GALNTL6: variants seen among roughly 807,000 people sequenced by gnomAD.
GALNTL6 encodes polypeptide N-acetylgalactosaminyltransferase like 6.
A neutral mutation model predicts 73.7 loss-of-function variants in GALNTL6; 46 were observed. The ratio of observed to expected loss-of-function variants is 0.62; its 90% CI spans 0.49 to 0.80. The LOEUF is 0.80. GALNTL6 is among the 30% of genes least tolerant of loss of function. The pLI, the probability that GALNTL6 is intolerant of heterozygous loss-of-function variation, is 0.00. For synonymous variants in GALNTL6, 259 were observed against 263.7 expected (o/e 0.98, Z 0.17); for missense variants, 604 against 755.0 (o/e 0.80, Z 2.34).
intron 5 of GALNTL6, among the ~76,000 whole-genome samples, chr4:172,768,432 T>C (rs2083135): frequency 1 from 152,195 of 152,316 alleles, 76,038 homozygotes; most frequent in Middle Eastern, 1. Context: ...GACACCATTG[T>C]GAGAACGAAT....
intron 10 of GALNTL6, among the ~76,000 whole-genome samples, chr4:172,953,343 G>A (rs1749553219): frequency 6.6e-6 from 1 of 152,174 alleles, no homozygotes; most frequent in East Asian, 1.9e-4. Context: ...AATTCAACCT[G>A]CTCTTAACAG....
chr4:172,372,165 G>A (rs556280530), intron 5 of GALNTL6, among the ~76,000 whole-genome samples: 17 of 152,188 alleles, frequency 1.1e-4, no homozygotes, highest in South Asian at 4.2e-4. Context: ...AGCTTCCATC[G>A]GTATATAGGT....
At chr4:173,001,738 C>T (rs1224204003) in intron 10 of GALNTL6, among the ~76,000 whole-genome samples, 4 of 152,152 alleles carry the variant, frequency 2.6e-5, no homozygotes, top group Non-Finnish European at 5.9e-5. Flanking sequence ...CCAAACTATA[C>T]AAATGCTCAA....
chr4:172,697,525 GT>G (rs1041665276), intron 5 of GALNTL6, among the ~76,000 whole-genome samples: 102 of 152,234 alleles, frequency 6.7e-4, no homozygotes, highest in African/African-American at 2.3e-3. Context: ...GAAAATCAAA[GT>G]TACCAACCAA....
intron 5 of GALNTL6, chr4:172,667,769 A>G (rs925404095): frequency 2.6e-5 from 4 of 152,222 alleles, no homozygotes; most frequent in Admixed American, 2.6e-4. Flanking sequence ...TATGCAAATG[A>G]TTAGGAAAAA....
At chr4:172,311,439 T>A (rs545462049) in intron 3 of GALNTL6, among the ~76,000 whole-genome samples, 175 bp from the exon 4 acceptor site, 1 of 152,330 alleles carries the variant, frequency 6.6e-6, no homozygotes, top group South Asian at 2.1e-4. Context: ...CTTTTTATAT[T>A]GAGTATATTT....
At chr4:172,376,962 G>A (rs747453871) in intron 5 of GALNTL6, among the ~76,000 whole-genome samples, 1 of 152,118 alleles carries the variant, frequency 6.6e-6, no homozygotes, top group African/African-American at 2.4e-5. Context: ...CCTTCGTGGT[G>A]AGTGTTACAG....
rs112982557 is a variant in GALNTL6, at chr4:172,476,532, A to T, written c.553+127843A>T. ...ATTTGAGAGAACCTTCCCAACTTCC[A>T]CTGTTATACCTACTTGTTAAAAACC... is the stretch of plus-strand genomic sequence containing the variant. On this transcript the variant is annotated intron_variant, in intron 5 of 12. Transcript: ENST00000506823. Among the ~76,000 whole-genome samples, 1,118 of 152,220 alleles carry T rather than the reference A, an allele frequency of 7.3e-3. 18 individuals carry two copies. Among genetic ancestry groups the T allele is most frequent in the African/African-American group, 0.025 (1,050 of 41,528 alleles).
chr4:172,846,594 T>C (rs1251460091), intron 7 of GALNTL6, among the ~76,000 whole-genome samples: 6 of 152,124 alleles, frequency 3.9e-5, no homozygotes, highest in African/African-American at 1.2e-4. Context: ...TCCTGTAAAG[T>C]GGATTTCAGT....
intron 3 of GALNTL6, among the ~76,000 whole-genome samples, chr4:172,237,817 T>G (rs1379423908): frequency 1.3e-5 from 2 of 152,194 alleles, no homozygotes; most frequent in Non-Finnish European, 2.9e-5. Context: ...ACTAGCCAGT[T>G]ACCATAGCAC....
intron 2 of GALNTL6, among the ~76,000 whole-genome samples, chr4:171,952,274 G>A (rs992336274): frequency 4.0e-5 from 6 of 151,746 alleles, no homozygotes; most frequent in South Asian, 2.1e-4. Context: ...AAATAGAAAC[G>A]GCCCCATAAG....
At chr4:172,678,494 C>T (rs542258764) in intron 5 of GALNTL6, among the ~76,000 whole-genome samples, 11 of 152,222 alleles carry the variant, frequency 7.2e-5, no homozygotes, top group African/African-American at 2.4e-4. Flanking sequence ...TACAGGCATG[C>T]GCCACCATGC....
chr4:172,925,175 G>GT lies in GALNTL6; in HGVS notation c.1042-5971dup, dbSNP rs199993886. Among the ~76,000 whole-genome samples, 1,245 of 137,206 alleles carry GT rather than the reference G, an allele frequency of 9.1e-3. 2 individuals carry two copies. Among genetic ancestry groups the GT allele is most frequent in the Middle Eastern group, 0.016 (4 of 256 alleles). The allele number at this position is 137,206 out of a possible 152,430, so 90.0% of individuals were successfully genotyped here. On this transcript the variant is annotated intron_variant, in intron 8 of 12. Coordinates refer to ENST00000506823, the MANE Select transcript of GALNTL6 (RefSeq NM_001034845.3). Reference sequence around the variant, plus strand: ...GCATGAGCCACCGCACCAGGCTTATGTTTTTTTTTTTTTTTAAAGTGATCA... The same window carrying GT: ...GCATGAGCCACCGCACCAGGCTTATGTTTTTTTTTTTTTTTTAAAGTGATCA...
intron 5 of GALNTL6, among the ~76,000 whole-genome samples, chr4:172,459,398 C>T (rs1732528179): frequency 6.6e-6 from 1 of 152,168 alleles, no homozygotes; most frequent in African/African-American, 2.4e-5. Context: ...AAAGCGTATT[C>T]AAATAGGAAG....
At chr4:172,726,162 C>T (rs911794722) in intron 5 of GALNTL6, among the ~76,000 whole-genome samples, 2 of 152,164 alleles carry the variant, frequency 1.3e-5, no homozygotes, top group Admixed American at 6.5e-5. Context: ...GCCCTGTAAA[C>T]AGTTGCCACT....
At chr4:172,822,535 C>A (rs1741989474) in intron 7 of GALNTL6, among the ~76,000 whole-genome samples, 1 of 152,162 alleles carries the variant, frequency 6.6e-6, no homozygotes, top group African/African-American at 2.4e-5. Context: ...CTCTGTGTTT[C>A]TTTGGTAACA....
intron 2 of GALNTL6, among the ~76,000 whole-genome samples, chr4:171,944,679 C>T (rs1453442922): frequency 1.3e-5 from 2 of 151,522 alleles, no homozygotes; most frequent in Non-Finnish European, 1.5e-5. Flanking sequence ...TTTAAGTTTC[C>T]TCTGGGTGTG....
intron 2 of GALNTL6, among the ~76,000 whole-genome samples, chr4:171,936,504 A>C (rs1276701317): frequency 2.6e-5 from 4 of 152,158 alleles, no homozygotes; most frequent in Non-Finnish European, 5.9e-5. Flanking sequence ...AAAAGAGGAA[A>C]TTCTATAGTG....
intron 2 of GALNTL6, among the ~76,000 whole-genome samples, chr4:171,959,738 A>G (rs1739165723): frequency 6.6e-6 from 1 of 152,164 alleles, no homozygotes; most frequent in Admixed American, 6.5e-5. Context: ...GCAATTGGCA[A>G]TGTGAGCTCA....
Sources: gnomAD v4.1 joint callset for allele counts (sites outside exome capture counted in the v4.1 genomes callset) on GRCh38, gnomAD v4.1.1 for gene constraint, MANE v1.5 for transcripts, NCBI Gene and HGNC (gene_info 2026-07-23, HGNC 2026-07-21) for gene names.